Variants in MIB2 observed in about 807,000 individuals in gnomAD.
MIB2 encodes MIB E3 ubiquitin protein ligase 2.
MIB2 carries 78 observed loss-of-function variants against 96.6 expected under a neutral mutation model. The observed-to-expected ratio is 0.81, with a 90% CI of 0.67 to 0.97. MIB2 has a LOEUF of 0.97. Ranked by LOEUF, MIB2 falls within the 50% of genes least tolerant of loss-of-function variation. The pLI is 0.00. For synonymous variants in MIB2, 820 were observed against 629.5 expected (o/e 1.30, Z -4.53); for missense variants, 1,543 against 1,424.0 (o/e 1.08, Z -1.35).
chr1:1,619,994 A>C (rs967224985), intron 2 of MIB2, among the ~76,000 whole-genome samples: 1 of 152,200 alleles, frequency 6.6e-6, no homozygotes, highest in Admixed American at 6.5e-5. Context: ...ACTCCACCCC[A>C]CTGCCCCTGT....
At chr1:1,630,027 C>T (rs564456283) in intron 19 of MIB2, among the ~76,000 whole-genome samples, 2 of 148,686 alleles carry the variant, frequency 1.3e-5, no homozygotes, top group Non-Finnish European at 3.0e-5. Flanking sequence ...GCACCGCCCC[C>T]CCATCACACC....
chr1:1,630,407 C>G lies in MIB2; in HGVS notation c.2745C>G (p.Ile915Met). ...MEERITCPICIDSHIRLVFQC... is the reference protein window; with the variant it reads ...MEERITCPICMDSHIRLVFQC... ...AACGCATCACCTGCCCCATCTGCATCGACAGCCACATCCGCCTCGTGTTCC... is the reference window on the plus strand; with the variant it reads ...AACGCATCACCTGCCCCATCTGCATGGACAGCCACATCCGCCTCGTGTTCC... Residue 915 changes from isoleucine to methionine, a missense_variant, in exon 20 of 20, where the codon ATC (isoleucine) becomes ATG (methionine). Transcript: ENST00000355826. 2 of 1,576,600 alleles carry G rather than the reference C, an allele frequency of 1.3e-6. No homozygotes were observed. Among genetic ancestry groups the G allele is most frequent in the Non-Finnish European group, 1.7e-6 (2 of 1,163,052 alleles).
chr1:1,620,519 G>A lies in MIB2; in HGVS notation c.-22-2912G>A, dbSNP rs534176592. ...TCTGGTGGGATCCTGGCAAGGAGGA[G>A]GTTGCGTGTGGATCTGGTGGAGGTG... is the stretch of plus-strand genomic sequence containing the variant. On this transcript the variant is annotated intron_variant, in intron 2 of 19. Transcript: ENST00000355826. 2.6e-5 allele frequency among the ~76,000 whole-genome samples: 4 copies of A among 152,348 alleles called. No homozygotes were observed. The South Asian group carries it at 8.3e-4, about 32-fold the overall frequency.
chr1:1,619,389 T>C (rs1644050039), intron 2 of MIB2, among the ~76,000 whole-genome samples: 1 of 152,082 alleles, frequency 6.6e-6, no homozygotes, highest in South Asian at 2.1e-4. Context: ...AAACCAAAAC[T>C]GCTGGCCCCT....
At position 1,629,392 on chromosome 1, in the gene MIB2, C is replaced by G; in HGVS notation, c.2389C>G (p.Gln797Glu). 6 of 1,444,368 alleles carry G rather than the reference C, an allele frequency of 4.2e-6. No homozygotes were observed. The South Asian group carries it at 5.8e-5, about 14-fold the overall frequency. 89.5% of individuals were successfully genotyped at this position (1,444,368 alleles called of 1,614,324 possible). A position where few individuals can be genotyped will look rare whatever the true frequency, so the allele number is the denominator to read the frequency against. Reference sequence around the variant, plus strand: ...CGCCTCCTCCCCCTGCAGGGAGCGGCAGGCGGGCGGGGGCGCGGCCCCGGG... The same window carrying G: ...CGCCTCCTCCCCCTGCAGGGAGCGGGAGGCGGGCGGGGGCGCGGCCCCGGG... ...QGCAQRFRER[Q>E]AGGGAAPGPR... Residue 797 changes from glutamine (Q) to glutamate (E), a missense_variant, in exon 18 of 20, where the codon CAG (glutamine) becomes GAG (glutamate). Transcript: ENST00000355826.
intron 2 of MIB2, chr1:1,623,180 C>A: frequency 1.8e-6 from 1 of 569,324 alleles, no homozygotes; most frequent in Non-Finnish European, 3.0e-6. Flanking sequence ...GCTCCCTGAT[C>A]CCTGGGCCCA....
chr1:1,621,325 T>A (rs909055131), intron 2 of MIB2, among the ~76,000 whole-genome samples: 28 of 152,274 alleles, frequency 1.8e-4, no homozygotes, highest in African/African-American at 6.5e-4. Context: ...AAGCCGCTCA[T>A]GCGGAGGCCC....
At chr1:1,628,799 T>G in intron 16 of MIB2, 77 bp downstream of exon 16, 1 of 1,249,232 alleles carries the variant, frequency 8.0e-7, no homozygotes, top group South Asian at 1.5e-5. Context: ...CCTGTGCCAC[T>G]GTCCACCTTC....
At position 1,626,747 on chromosome 1, in the gene MIB2, T is replaced by C. The variant is rs1440572330; in HGVS notation, c.1070T>C (p.Met357Thr). 6.3e-7 allele frequency: 1 copy of C among 1,590,212 alleles called. No homozygotes were observed. Among genetic ancestry groups the C allele is most frequent in the Non-Finnish European group, 8.5e-7 (1 of 1,170,526 alleles). The change falls in exon 9 of 20, where the codon ATG becomes ACG. Residue 357 changes from methionine to threonine, a missense_variant. Physicochemically the swap from Met to Thr is moderately conservative, Grantham distance 81. Coordinates refer to ENST00000355826, the MANE Select transcript of MIB2 (RefSeq NM_001170687.4). The surrounding 1 kb of genome is among the most constrained non-coding windows in gnomAD (Gnocchi z 5.3). ...GGGCATGGCGAGTGGACGGACGACATGGCCCCTGTGAGTCCCCCTGCCACC... is the reference window on the plus strand; with the variant it reads ...GGGCATGGCGAGTGGACGGACGACACGGCCCCTGTGAGTCCCCCTGCCACC... ...QAGHGEWTDD[M>T]APALGRVGKV...
chr1:1,630,287 C>A lies in MIB2; in HGVS notation c.2630-5C>A. 1 of 1,488,574 alleles carries A rather than the reference C, an allele frequency of 6.7e-7. No homozygotes were observed. The highest frequency in any genetic ancestry group is 8.9e-7 in the Non-Finnish European group (1 of 1,122,534). 92.2% of individuals were successfully genotyped at this position (1,488,574 alleles called of 1,614,324 possible). On this transcript the variant is annotated splice_region_variant and splice_polypyrimidine_tract_variant and intron_variant, in intron 19 of 19. Coordinates refer to ENST00000355826, the MANE Select transcript of MIB2 (RefSeq NM_001170687.4). The stretch of plus-strand genomic sequence containing the variant: ...CCCAGCTCACACCCGTCCCCCACCC[C>A]GCAGACGGCTCTGAGGTGGCGAGCG...
chr1:1,630,243 G>C (rs563574809), intron 19 of MIB2, 49 bp from the exon 20 acceptor site: 51 of 199,648 alleles, frequency 2.6e-4, no homozygotes, highest in South Asian at 1.7e-3. Context: ...CCTGCTCCCC[G>C]CATTCCCCCA....
chr1:1,628,906 TGGGAA>T, intron 16 of MIB2, 184 bp downstream of exon 16: 1 of 724,784 alleles, frequency 1.4e-6, no homozygotes, highest in South Asian at 2.0e-5. Context: ...CTAGGCAGCC[TGGGAA>T]AGGGGTGGTG....
intron 4 of MIB2, chr1:1,624,347 T>C: frequency 2.6e-6 from 1 of 378,800 alleles, no homozygotes; most frequent in South Asian, 2.7e-5. Context: ...TCTCTGGCCC[T>C]CCCTGCACGT....
Position 1,630,337 on chromosome 1 carries a change from G to A in MIB2, c.2675G>A (p.Arg892His), listed in dbSNP as rs1419032225. 1 of 1,510,664 alleles carries A rather than the reference G, an allele frequency of 6.6e-7. No homozygotes were observed. The highest frequency in any genetic ancestry group is 8.8e-7 in the Non-Finnish European group (1 of 1,133,540). 93.6% of individuals were successfully genotyped at this position (1,510,664 alleles called of 1,614,324 possible). A position where few individuals can be genotyped will look rare whatever the true frequency, so the allele number is the denominator to read the frequency against. The change falls in exon 20 of 20, where the codon CGC (arginine) becomes CAC (histidine). Residue 892 changes from arginine to histidine, a missense_variant. Arg to His is a conservative substitution (Grantham distance 29). Transcript: ENST00000355826. The part of the protein sequence containing the change: ...ASAAPAPGPP[R>H]QLVEELQSRY... ...GCCGCCCCCGCCCCCGGCCCGCCGCGCCAGCTGGTGGAGGAGCTGCAGAGC... is the reference window on the plus strand; with the variant it reads ...GCCGCCCCCGCCCCCGGCCCGCCGCACCAGCTGGTGGAGGAGCTGCAGAGC...
At chr1:1,622,429 T>G (rs1392170380) in intron 2 of MIB2, among the ~76,000 whole-genome samples, 2 of 152,186 alleles carry the variant, frequency 1.3e-5, no homozygotes, top group Non-Finnish European at 2.9e-5. Flanking sequence ...GTCTGCAGAG[T>G]GAGCTCTCGG....
At chr1:1,627,857 C>T (rs753494122) in intron 13 of MIB2, 28 bp downstream of exon 13, 2 of 1,590,430 alleles carry the variant, frequency 1.3e-6, no homozygotes, top group South Asian at 1.1e-5. Flanking sequence ...GCCTGGGTGC[C>T]CCCTGCCCGT....
In MIB2 at chr1:1,626,274, G is replaced by A. The variant is rs1348496263; in HGVS notation, c.973-376G>A. 44 of 291,286 alleles carry A rather than the reference G, an allele frequency of 1.5e-4. No individual in the cohort carries two copies. The highest frequency in any genetic ancestry group is 6.4e-5 in the Non-Finnish European group (10 of 155,472). The allele number at this position is 291,286 out of a possible 1,614,324, so 18.0% of individuals were successfully genotyped here. A position where few individuals can be genotyped will look rare whatever the true frequency, so the allele number is the denominator to read the frequency against. On this transcript the variant is annotated intron_variant, in intron 8 of 19. Coordinates refer to ENST00000355826, the MANE Select transcript of MIB2 (RefSeq NM_001170687.4). This position sits in a 1 kb window ranked among gnomAD's most constrained non-coding sequence, Gnocchi z 5.3. Reference sequence around the variant, plus strand: ...CATATGAGGGCTCAGGTGGGGCAGAGTGGGCCCGTCCTGCACCCCATGGTC... The same window carrying A: ...CATATGAGGGCTCAGGTGGGGCAGAATGGGCCCGTCCTGCACCCCATGGTC...
At chr1:1,620,010 G>A (rs991482424) in intron 2 of MIB2, among the ~76,000 whole-genome samples, 2 of 152,246 alleles carry the variant, frequency 1.3e-5, no homozygotes, top group Non-Finnish European at 2.9e-5. Flanking sequence ...CCTGTGACGC[G>A]GGGGCCGCCA....
chr1:1,616,132 G>A (rs922509921), intron 1 of MIB2: 53 of 979,078 alleles, frequency 5.4e-5, no homozygotes, highest in Non-Finnish European at 6.4e-5. Flanking sequence ...GTCTGGCAGC[G>A]GACAGGGCCG....
Sources: allele counts gnomAD v4.1 joint callset (sites outside exome capture counted in the v4.1 genomes callset), GRCh38; gene constraint gnomAD v4.1.1; non-coding constraint Gnocchi (gnomAD v3.1); transcripts MANE v1.5; gene names NCBI Gene and HGNC (gene_info 2026-07-23, HGNC 2026-07-21).